The following OPCML variants were observed in gnomAD, a reference collection of about 807,000 sequenced individuals.
OPCML encodes the protein opioid-binding protein/cell adhesion molecule.
Under a neutral mutation model 37.8 loss-of-function variants are expected in OPCML, and 13 were observed. The observed-to-expected ratio is 0.34, with a 90% CI of 0.22 to 0.55. OPCML has a LOEUF of 0.55. Ranked by LOEUF, OPCML falls within the 20% of genes least tolerant of loss-of-function variation. The probability of loss-of-function intolerance (pLI) is 0.91; values close to 1 mark genes in which losing one functional copy is unlikely to be tolerated. For synonymous variants in OPCML, 176 were observed against 168.8 expected, an observed-to-expected ratio of 1.04 and a Z score of -0.33; for missense variants, 341 against 435.6, an observed-to-expected ratio of 0.78 and a Z score of 1.93.
chr11:132,416,719 T>C lies in OPCML; in HGVS notation c.*3474A>G, dbSNP rs1355909550. The C allele has an allele frequency of 6.6e-6, 1 of 152,294 alleles. No individual in the cohort carries two copies. Among genetic ancestry groups the C allele is most frequent in the Non-Finnish European group, 1.5e-5 (1 of 68,030 alleles). 9.4% of individuals were successfully genotyped at this position (152,294 alleles called of 1,614,324 possible). ...ACACCTTACCTTTTCTTCTGTTTCG[T>C]GGAGCACAGTTGCAGCAGAACAGCC... is the stretch of plus-strand genomic sequence containing the variant. On this transcript the variant is annotated 3_prime_UTR_variant, in exon 8 of 8. Transcript: ENST00000524381.
intron 1 of OPCML, among the ~76,000 whole-genome samples, chr11:133,112,939 T>C (rs1949279383): frequency 6.6e-6 from 1 of 152,174 alleles, no homozygotes; most frequent in Admixed American, 6.5e-5. Flanking sequence ...ATGACACATA[T>C]CTTCCCCTTA....
intron 2 of OPCML, among the ~76,000 whole-genome samples, chr11:132,769,825 G>A (rs2007525): frequency 0.26 from 38,834 of 152,058 alleles, 5,461 homozygotes; most frequent in Non-Finnish European, 0.33. Context: ...GATCTACAGT[G>A]AAAGAAAGTG....
Position 132,943,933 on chromosome 11 carries a change from G to C in OPCML, c.62-923C>G, listed in dbSNP as rs960264356. 2.6e-5 allele frequency among the ~76,000 whole-genome samples: 4 copies of C among 151,820 alleles called. No homozygotes were observed. Among genetic ancestry groups the C allele is most frequent in the Non-Finnish European group, 5.9e-5 (4 of 67,906 alleles). On this transcript the variant is annotated intron_variant, in intron 1 of 7. Coordinates refer to ENST00000524381, the MANE Select transcript of OPCML (RefSeq NM_001012393.5). The surrounding 1 kb of genome is among the most constrained non-coding windows in gnomAD (Gnocchi z 4.3). ...CCGACGCGCGCGGGCCCGGACCGCC[G>C]GGGTTGTCATGGCAGCAGCTCCATC...
At chr11:133,184,425 C>G (rs1422366015) in intron 1 of OPCML, among the ~76,000 whole-genome samples, 1 of 151,986 alleles carries the variant, frequency 6.6e-6, no homozygotes, top group Non-Finnish European at 1.5e-5. Context: ...AATGAGGTAC[C>G]GCTGGCATGG....
At chr11:132,920,524 G>A (rs1944755596) in intron 2 of OPCML, among the ~76,000 whole-genome samples, 1 of 152,198 alleles carries the variant, frequency 6.6e-6, no homozygotes, top group African/African-American at 2.4e-5. Context: ...CCCCCCTGGA[G>A]AAGGACAGGG....
At chr11:133,275,566 T>A (rs1165001339) in intron 1 of OPCML, among the ~76,000 whole-genome samples, 1 of 152,146 alleles carries the variant, frequency 6.6e-6, no homozygotes, top group Non-Finnish European at 1.5e-5. Flanking sequence ...TAGAGAATGT[T>A]AACACTGTCC....
chr11:132,454,312 A>G (rs1050865005), intron 4 of OPCML, among the ~76,000 whole-genome samples: 1 of 152,216 alleles, frequency 6.6e-6, no homozygotes, highest in African/African-American at 2.4e-5. Context: ...ATGAGGTCTG[A>G]GAAAATCAGT....
chr11:132,991,719 G>T (rs1003595844), intron 1 of OPCML, among the ~76,000 whole-genome samples: 1 of 152,184 alleles, frequency 6.6e-6, no homozygotes, highest in Non-Finnish European at 1.5e-5. Context: ...GGCGTCTGAA[G>T]GGAAGGCTCT....
At chr11:132,976,032 T>A (rs1946455465) in intron 1 of OPCML, among the ~76,000 whole-genome samples, 1 of 152,182 alleles carries the variant, frequency 6.6e-6, no homozygotes, top group South Asian at 2.1e-4. Context: ...GGCCTAGCTA[T>A]CTCTTGAAAC....
chr11:133,498,381 G>T (rs542255308), intron 1 of OPCML, among the ~76,000 whole-genome samples: 16 of 152,340 alleles, frequency 1.1e-4, no homozygotes, highest in South Asian at 6.2e-4. Flanking sequence ...GGAGACAGAA[G>T]AGGAGACAGA....
intron 3 of OPCML, among the ~76,000 whole-genome samples, chr11:132,586,531 G>T (rs942692178): frequency 6.6e-6 from 1 of 152,182 alleles, no homozygotes; most frequent in Non-Finnish European, 1.5e-5. Flanking sequence ...CCTATCAGAA[G>T]GGAAAATCAG....
intron 1 of OPCML, among the ~76,000 whole-genome samples, chr11:132,999,841 A>G (rs1228733492): frequency 1.3e-5 from 2 of 152,108 alleles, no homozygotes; most frequent in African/African-American, 4.8e-5. Flanking sequence ...GGTCTATCTC[A>G]GGGCAGGAAG....
chr11:133,132,043 TG>T (rs1343402318), intron 1 of OPCML, among the ~76,000 whole-genome samples: 3 of 152,218 alleles, frequency 2.0e-5, no homozygotes, highest in Admixed American at 1.3e-4. Context: ...AAGTGACAGT[TG>T]GACTTCATCA....
At chr11:132,617,546 A>C (rs1357765013) in intron 3 of OPCML, among the ~76,000 whole-genome samples, 1 of 152,176 alleles carries the variant, frequency 6.6e-6, no homozygotes, top group Non-Finnish European at 1.5e-5. Context: ...ATAGACATTG[A>C]CTTCACTTTC....
At chr11:133,031,286 G>T (rs1462794939) in intron 1 of OPCML, among the ~76,000 whole-genome samples, 1 of 151,916 alleles carries the variant, frequency 6.6e-6, no homozygotes, top group East Asian at 1.9e-4. Context: ...ATGAATGTGT[G>T]CATGGGTGGA....
chr11:133,384,992 G>A (rs949934744), intron 1 of OPCML, among the ~76,000 whole-genome samples: 8 of 152,246 alleles, frequency 5.3e-5, no homozygotes, highest in East Asian at 1.9e-4. Context: ...CGAGGTCTCC[G>A]CCTCTGGGTG....
intron 2 of OPCML, among the ~76,000 whole-genome samples, chr11:132,715,429 T>C (rs1268905585): frequency 6.6e-6 from 1 of 152,212 alleles, no homozygotes; most frequent in African/African-American, 2.4e-5. Flanking sequence ...GCTCTGCTAC[T>C]GCCAACTCGG....
intron 2 of OPCML, among the ~76,000 whole-genome samples, chr11:132,744,641 AAGTT>A (rs1041965616): frequency 1.3e-5 from 2 of 152,230 alleles, no homozygotes; most frequent in African/African-American, 4.8e-5. Flanking sequence ...CATTGACTAA[AAGTT>A]AGCCTGCATT....
chr11:132,503,625 T>C (rs1247488869), intron 4 of OPCML, among the ~76,000 whole-genome samples: 1 of 152,200 alleles, frequency 6.6e-6, no homozygotes, highest in Non-Finnish European at 1.5e-5. Context: ...TTATTTATAA[T>C]ATCTCAATAA....
Sources: gnomAD v4.1 joint callset for allele counts (sites outside exome capture counted in the v4.1 genomes callset) on GRCh38, gnomAD v4.1.1 for gene constraint, Gnocchi (gnomAD v3.1) non-coding constraint, MANE v1.5 for transcripts, NCBI Gene and HGNC (gene_info 2026-07-23, HGNC 2026-07-21) for gene names.